Variants in THNSL1 observed in about 807,000 individuals in gnomAD.
THNSL1 encodes threonine synthase-like 1.
In THNSL1, 48 loss-of-function variants were observed where a neutral mutation model predicts 50.4. The observed-to-expected ratio is 0.95, with a 90% CI of 0.76 to 1.21. The LOEUF (loss-of-function observed/expected upper bound fraction) is 1.21. Among genes scored for constraint, THNSL1 ranks in the 50% most tolerant of loss-of-function variants. The pLI is 0.00. For missense variants in THNSL1, 896 were observed against 871.7 expected, an observed-to-expected ratio of 1.03 and a Z score of -0.35; for synonymous variants, 309 against 306.1, an observed-to-expected ratio of 1.01 and a Z score of -0.10.
intron 1 of THNSL1, among the ~76,000 whole-genome samples, chr10:25,020,268 CTATATCTA>C (rs1320152762): frequency 1.4e-4 from 19 of 137,358 alleles, no homozygotes; most frequent in African/African-American, 4.7e-4. Context: ...ATATCTATAT[CTATATCTA>C]TATATATCTA....
the THNSL1 span, among the ~76,000 whole-genome samples, chr10:24,989,994 T>C: frequency 6.6e-6 from 1 of 152,186 alleles, no homozygotes; most frequent in East Asian, 1.9e-4. Context: ...ATGTGAAACC[T>C]AGCACCTGTT....
Position 25,023,701 on chromosome 10 carries a change from G to A in THNSL1, c.478G>A (p.Asp160Asn), listed in dbSNP as rs1655454664. ...IIVYLDVPLL[D>N]LICRLKLMKT... is the part of the protein sequence containing the mutation. ...TGTATACCTGGATGTACCTCTACTA[G>A]ATCTAATTTGTCGTCTAAAATTAAT... is the stretch of plus-strand genomic sequence containing the variant. Residue 160 changes from aspartate to asparagine, a missense_variant, in exon 3 of 3, where the codon GAT (aspartate) becomes AAT (asparagine). Transcript: ENST00000376356. 1.2e-6 allele frequency: 2 copies of A among 1,613,934 alleles called. No homozygotes were observed. Among genetic ancestry groups the A allele is most frequent in the Non-Finnish European group, 1.7e-6 (2 of 1,180,006 alleles).
the THNSL1 span, among the ~76,000 whole-genome samples, chr10:24,960,320 A>G: frequency 3.3e-5 from 5 of 150,314 alleles, no homozygotes; most frequent in Non-Finnish European, 7.4e-5. Context: ...CTTTCAAGGA[A>G]CTCTCCCAGT....
Position 25,024,663 on chromosome 10 carries a change from A to G in THNSL1, c.1440A>G (p.Val480=). 6.2e-7 allele frequency: 1 copy of G among 1,614,224 alleles called. No individual in the cohort carries two copies. The highest frequency in any genetic ancestry group is 8.5e-7 in the Non-Finnish European group (1 of 1,180,018). Residue 480 remains valine (V), a synonymous_variant, in exon 3 of 3, where the codon GTA becomes GTG. Transcript: ENST00000376356. ...SINWGRLLPQ[V]VYHASAYLDL... is the part of the protein sequence containing the mutation. ...ACTGGGGCCGACTACTTCCGCAGGT[A>G]GTTTATCATGCTTCCGCATATCTTG...
chr10:25,016,240 C>A, upstream of THNSL1: 1 of 1,023,502 alleles, frequency 9.8e-7, no homozygotes, highest in Non-Finnish European at 1.2e-6. Flanking sequence ...TTCCCTCTTT[C>A]TGCAGCGCCT....
the THNSL1 span, among the ~76,000 whole-genome samples, chr10:24,961,237 C>T: frequency 2.6e-5 from 4 of 152,134 alleles, no homozygotes; most frequent in Non-Finnish European, 4.4e-5. Context: ...GCTTCACATT[C>T]TAAGTAAAAT....
the THNSL1 span, among the ~76,000 whole-genome samples, chr10:25,001,655 A>G: frequency 6.6e-6 from 1 of 152,004 alleles, no homozygotes; most frequent in Admixed American, 6.6e-5. Context: ...CGTTAATCCA[A>G]TCTATTACAT....
At chr10:24,996,986 T>C in the THNSL1 span, among the ~76,000 whole-genome samples, 1 of 152,120 alleles carries the variant, frequency 6.6e-6, no homozygotes, top group East Asian at 1.9e-4. Flanking sequence ...CAGACATACA[T>C]ATAAGGAAGA....
the THNSL1 span, among the ~76,000 whole-genome samples, chr10:24,966,578 C>T: frequency 6.6e-6 from 1 of 152,206 alleles, no homozygotes; most frequent in African/African-American, 2.4e-5. Context: ...ATGTGTCACT[C>T]CACATGTGTA....
chr10:25,006,062 A>G, the THNSL1 span, among the ~76,000 whole-genome samples: 1 of 152,240 alleles, frequency 6.6e-6, no homozygotes, highest in Non-Finnish European at 1.5e-5. Context: ...AAGTGATTAG[A>G]AAAATTTAAA....
At chr10:25,005,458 T>C in the THNSL1 span, among the ~76,000 whole-genome samples, 1 of 151,936 alleles carries the variant, frequency 6.6e-6, no homozygotes, top group Non-Finnish European at 1.5e-5. Context: ...AAGTGCTTAA[T>C]TGAGATTTTT....
chr10:25,012,402 C>G (rs1450298090), upstream of THNSL1, among the ~76,000 whole-genome samples: 2 of 152,112 alleles, frequency 1.3e-5, no homozygotes, highest in African/African-American at 4.8e-5. Flanking sequence ...CACCATGCAC[C>G]CAGAAAAGCT....
the THNSL1 span, among the ~76,000 whole-genome samples, chr10:24,978,152 G>T: frequency 6.6e-6 from 1 of 152,072 alleles, no homozygotes; most frequent in Non-Finnish European, 1.5e-5. Context: ...CAGTTTGCAG[G>T]TATAATTGGT....
upstream of THNSL1, among the ~76,000 whole-genome samples, chr10:25,011,795 C>T (rs138893027): frequency 4.1e-4 from 62 of 152,244 alleles, no homozygotes; most frequent in African/African-American, 1.4e-3. Context: ...CCCGATGATG[C>T]AATAGAAAAG....
At chr10:24,955,281 C>T in the THNSL1 span, among the ~76,000 whole-genome samples, 1 of 152,180 alleles carries the variant, frequency 6.6e-6, no homozygotes, top group Non-Finnish European at 1.5e-5. Context: ...CAGATCCCTC[C>T]CCCAACACTG....
chr10:24,998,339 C>T, the THNSL1 span, among the ~76,000 whole-genome samples: 1 of 130,920 alleles, frequency 7.6e-6, no homozygotes, highest in South Asian at 3.1e-4. Flanking sequence ...CCTTCCCTCT[C>T]TCCCTCCCTT....
At chr10:25,010,412 C>A in the THNSL1 span, among the ~76,000 whole-genome samples, 1 of 151,944 alleles carries the variant, frequency 6.6e-6, no homozygotes, top group East Asian at 1.9e-4. Context: ...TATGTATTCA[C>A]AAAGATATGG....
At chr10:24,967,462 G>A in the THNSL1 span, among the ~76,000 whole-genome samples, 1 of 152,156 alleles carries the variant, frequency 6.6e-6, no homozygotes, top group Non-Finnish European at 1.5e-5. Flanking sequence ...GAAGGATGGG[G>A]AATTTTAGCT....
At chr10:24,995,641 G>C in the THNSL1 span, 1 of 1,605,600 alleles carries the variant, frequency 6.2e-7, no homozygotes, top group Non-Finnish European at 8.5e-7. Flanking sequence ...ATACCACAAG[G>C]CTACCTTTTT....
Sources: allele counts gnomAD v4.1 joint callset (sites outside exome capture counted in the v4.1 genomes callset), GRCh38; gene constraint gnomAD v4.1.1; transcripts MANE v1.5; gene names NCBI Gene and HGNC (gene_info 2026-07-23, HGNC 2026-07-21).